ZNF503: variants seen among roughly 807,000 people sequenced by gnomAD.
ZNF503 encodes the protein NocA-like zinc finger 2.
A neutral mutation model predicts 34.4 loss-of-function variants in ZNF503; 15 were observed. That is an observed-to-expected ratio of 0.44 (90% CI 0.29 to 0.67). The LOEUF (loss-of-function observed/expected upper bound fraction) is 0.67, where lower values mean the gene tolerates loss of function less well. Among genes scored for constraint, ZNF503 ranks in the 30% least tolerant of loss-of-function variants. The pLI, the probability that ZNF503 is intolerant of heterozygous loss-of-function variation, is 0.13. For synonymous variants in ZNF503, 580 were observed against 456.8 expected (o/e 1.27, Z -3.44); for missense variants, 1,007 against 926.8 (o/e 1.09, Z -1.12).
the ZNF503 span, among the ~76,000 whole-genome samples, chr10:75,351,756 A>G: frequency 6.6e-6 from 1 of 152,068 alleles, no homozygotes; most frequent in African/African-American, 2.4e-5. Context: ...TTACTTATCC[A>G]AGGTGGCATT....
At chr10:75,366,778 C>A in the ZNF503 span, among the ~76,000 whole-genome samples, 43 of 152,330 alleles carry the variant, frequency 2.8e-4, no homozygotes, top group African/African-American at 9.6e-4. Flanking sequence ...AGTCCTCAAC[C>A]AGTGACCAAC....
chr10:75,313,901 C>T, the ZNF503 span, among the ~76,000 whole-genome samples: 10 of 152,184 alleles, frequency 6.6e-5, no homozygotes, highest in African/African-American at 2.2e-4. Context: ...AATTTTGCCA[C>T]TCCTAAGAGG....
chr10:75,366,700 C>T, the ZNF503 span, among the ~76,000 whole-genome samples: 5 of 152,242 alleles, frequency 3.3e-5, no homozygotes, highest in Non-Finnish European at 7.3e-5. Flanking sequence ...ATTCCAGCCA[C>T]CAGCATCTGC....
At chr10:75,389,499 G>C in the ZNF503 span, among the ~76,000 whole-genome samples, 1 of 152,210 alleles carries the variant, frequency 6.6e-6, no homozygotes, top group East Asian at 1.9e-4. Context: ...GGAGGCTGAG[G>C]TAGGCAGATG....
chr10:75,391,246 T>A, the ZNF503 span, among the ~76,000 whole-genome samples: 1 of 152,180 alleles, frequency 6.6e-6, no homozygotes, highest in African/African-American at 2.4e-5. Flanking sequence ...GACTCAACTC[T>A]ACACAATGAG....
chr10:75,323,129 T>C, the ZNF503 span, among the ~76,000 whole-genome samples: 1 of 152,204 alleles, frequency 6.6e-6, no homozygotes, highest in Non-Finnish European at 1.5e-5. Context: ...TGTGTAGCCT[T>C]CTGGCTCTGA....
chr10:75,339,004 G>A, the ZNF503 span, among the ~76,000 whole-genome samples: 1 of 152,174 alleles, frequency 6.6e-6, no homozygotes, highest in Non-Finnish European at 1.5e-5. Context: ...GAGGCGGGTG[G>A]ATTGCTTGAG....
chr10:75,294,146 G>A, the ZNF503 span, among the ~76,000 whole-genome samples: 5 of 152,232 alleles, frequency 3.3e-5, no homozygotes, highest in Non-Finnish European at 7.3e-5. Context: ...AAGTGGGTGA[G>A]AGTCCATCCC....
At chr10:75,331,150 G>A in the ZNF503 span, among the ~76,000 whole-genome samples, 1 of 152,102 alleles carries the variant, frequency 6.6e-6, no homozygotes, top group South Asian at 2.1e-4. Context: ...TTATTTCATT[G>A]TGGTCAGAAA....
the ZNF503 span, among the ~76,000 whole-genome samples, chr10:75,332,284 G>GTGTGTATGTAT: frequency 2.0e-5 from 3 of 151,684 alleles, no homozygotes; most frequent in African/African-American, 7.3e-5. Context: ...CATATGTTAT[G>GTGTGTATGTAT]CCTTTTCACT....
At chr10:75,353,814 C>A in the ZNF503 span, among the ~76,000 whole-genome samples, 1 of 152,192 alleles carries the variant, frequency 6.6e-6, no homozygotes, top group Admixed American at 6.5e-5. Flanking sequence ...GCTCTCCTCT[C>A]ACCCCAAGAT....
In ZNF503 at chr10:75,399,878, G is replaced by A. The variant is rs759137278; in HGVS notation, c.812C>T (p.Ser271Leu). 3.1e-6 allele frequency: 5 copies of A among 1,600,222 alleles called. No homozygotes were observed. The South Asian group carries it at 3.4e-5, about 11-fold the overall frequency. Residue 271 changes from serine (S) to leucine (L), a missense_variant, in exon 2 of 2, where the codon TCG (serine) becomes TTG (leucine). Coordinates refer to ENST00000372524, the MANE Select transcript of ZNF503 (RefSeq NM_032772.6). ...CAGCCCCGTGGGTCCCCCTTCGGCC[G>A]AGGCGCCCCCGGTGCCCTTGCCACC... The part of the protein sequence containing the change: ...GGGGKGTGGA[S>L]AEGGPTGLAH...
chr10:75,391,770 C>G, the ZNF503 span, among the ~76,000 whole-genome samples: 3 of 152,046 alleles, frequency 2.0e-5, no homozygotes, highest in Admixed American at 6.5e-5. Flanking sequence ...TCTCCTCTCT[C>G]CCTCCCTCTC....
At chr10:75,329,437 T>TCC in the ZNF503 span, among the ~76,000 whole-genome samples, 7 of 103,444 alleles carry the variant, frequency 6.8e-5, no homozygotes, top group East Asian at 2.7e-4. Flanking sequence ...CTTCCTTCCT[T>TCC]TCTTTCTTTC....
At chr10:75,331,738 C>T in the ZNF503 span, among the ~76,000 whole-genome samples, 1 of 152,040 alleles carries the variant, frequency 6.6e-6, no homozygotes, top group South Asian at 2.1e-4. Context: ...CTTAAGTGAT[C>T]GTCCTGCCTC....
the ZNF503 span, among the ~76,000 whole-genome samples, chr10:75,392,316 A>C: frequency 6.6e-6 from 1 of 152,212 alleles, no homozygotes. Context: ...GTCCATGGTC[A>C]CACAACTATA....
At chr10:75,327,598 T>G in the ZNF503 span, among the ~76,000 whole-genome samples, 6 of 152,160 alleles carry the variant, frequency 3.9e-5, no homozygotes, top group Admixed American at 6.5e-5. Context: ...CTGATTTCCT[T>G]TTCTTTGGAT....
the ZNF503 span, among the ~76,000 whole-genome samples, chr10:75,387,283 G>A: frequency 6.6e-6 from 1 of 152,202 alleles, no homozygotes; most frequent in East Asian, 1.9e-4. Context: ...GAGTGGAAGT[G>A]CACAGGTTTT....
the ZNF503 span, among the ~76,000 whole-genome samples, chr10:75,348,074 G>GT: frequency 1.3e-4 from 20 of 151,302 alleles, no homozygotes; most frequent in East Asian, 5.8e-4. Flanking sequence ...TCTTTTTTTT[G>GT]TTTTTTTTGA....
Sources: allele counts gnomAD v4.1 joint callset (sites outside exome capture counted in the v4.1 genomes callset), GRCh38; gene constraint gnomAD v4.1.1; transcripts MANE v1.5; gene names NCBI Gene and HGNC (gene_info 2026-07-23, HGNC 2026-07-21).